The following ZNF775 variants were observed in gnomAD, a reference collection of about 807,000 sequenced individuals.
The protein encoded by ZNF775 is zinc finger protein 775.
A neutral mutation model predicts 2.4 loss-of-function variants in ZNF775; 1 was observed. The ratio of observed to expected loss-of-function variants is 0.41; its 90% CI spans 0.15 to 1.94. The LOEUF is 1.94. Among genes scored for constraint, ZNF775 ranks in the 30% most tolerant of loss-of-function variants. The probability of loss-of-function intolerance (pLI) is 0.30; values close to 1 mark genes in which losing one functional copy is unlikely to be tolerated. For synonymous variants in ZNF775, 381 were observed against 373.3 expected (o/e 1.02, Z -0.24); for missense variants, 823 against 826.6 (o/e 1.00, Z 0.05).
At chr7:150,393,749 A>G (rs1232286371) in intron 2 of ZNF775, among the ~76,000 whole-genome samples, 2 of 150,148 alleles carry the variant, frequency 1.3e-5, no homozygotes, top group Non-Finnish European at 3.0e-5. Context: ...GCTTGCTGCA[A>G]CCTCTGCCTC....
chr7:150,396,485 C>T lies in ZNF775; in HGVS notation c.32-28C>T. Reference sequence around the variant, plus strand: ...CAGCGGAGCAGCAGTGACCTCTCTCCCTCCTCTCTCCCGCTTGCCTCTGGC... The same window carrying T: ...CAGCGGAGCAGCAGTGACCTCTCTCTCTCCTCTCTCCCGCTTGCCTCTGGC... On this transcript the variant is annotated intron_variant, in intron 2 of 2. Coordinates refer to ENST00000329630, the MANE Select transcript of ZNF775 (RefSeq NM_173680.4). The T allele has an allele frequency of 3.9e-6, 6 of 1,552,436 alleles. No individual in the cohort carries two copies. The South Asian group carries it at 7.1e-5, about 18-fold the overall frequency.
chr7:150,398,089 G>A lies in ZNF775; in HGVS notation c.1608G>A (p.Ala536=). The A allele has an allele frequency of 1.3e-6, 2 of 1,549,378 alleles. No homozygotes were observed. Among genetic ancestry groups the A allele is most frequent in the Non-Finnish European group, 1.7e-6 (2 of 1,151,786 alleles). ...AAPACSPKEE[A]R ...CTGCGTGCAGCCCCAAGGAGGAGGC[G>A]CGCTAGTGGACTGGACCTCAGCGGA... Residue 536 remains alanine, a synonymous_variant, in exon 3 of 3, where the codon GCG becomes GCA. Coordinates refer to ENST00000329630, the MANE Select transcript of ZNF775 (RefSeq NM_173680.4).
Position 150,397,070 on chromosome 7 carries a change from G to A in ZNF775, c.589G>A (p.Glu197Lys). The change falls in exon 3 of 3, where the codon GAG (glutamate) becomes AAG (lysine). Residue 197 changes from glutamate (E) to lysine (K), a missense_variant. By Grantham distance (56) the Glu-to-Lys change is moderately conservative. Coordinates refer to ENST00000329630, the MANE Select transcript of ZNF775 (RefSeq NM_173680.4). ...CGCCACCCACTCGTGCCCCGAGTGCGAGCGCTGCTTCCGTCACCAGGTGGG... is the reference window on the plus strand; with the variant it reads ...CGCCACCCACTCGTGCCCCGAGTGCAAGCGCTGCTTCCGTCACCAGGTGGG... ...RPATHSCPEC[E>K]RCFRHQVGLR... 3 of 1,588,056 alleles carry A rather than the reference G, an allele frequency of 1.9e-6. No individual in the cohort carries two copies. Among genetic ancestry groups the A allele is most frequent in the Non-Finnish European group, 2.6e-6 (3 of 1,174,178 alleles).
rs57149756 is a variant in ZNF775 at position 150,382,134 on chromosome 7, G to A, written c.-50+2742G>A. ...TGCAGACAGTGCCACAACCAGAGCCGTGGCAAACCCTCTTCCTCCTGCATG... is the reference window on the plus strand; with the variant it reads ...TGCAGACAGTGCCACAACCAGAGCCATGGCAAACCCTCTTCCTCCTGCATG... On this transcript the variant is annotated intron_variant, in intron 1 of 2. Coordinates refer to ENST00000329630, the MANE Select transcript of ZNF775 (RefSeq NM_173680.4). The surrounding 1 kb of genome is among the most constrained non-coding windows in gnomAD (Gnocchi z 4.6). 0.044 allele frequency among the ~76,000 whole-genome samples: 6,656 copies of A among 152,174 alleles called. 484 individuals carry two copies. Among genetic ancestry groups the A allele is most frequent in the African/African-American group, 0.15 (6,343 of 41,456 alleles).
intron 1 of ZNF775, among the ~76,000 whole-genome samples, chr7:150,385,478 CGAGTGACTGCA>C (rs879543726): frequency 0.017 from 2,476 of 148,468 alleles, 63 homozygotes; most frequent in African/African-American, 0.056. Flanking sequence ...TGCAATACCC[CGAGTGACTGCA>C]AAGACGGGAG....
chr7:150,385,369 A>C (rs1267864881), intron 1 of ZNF775, among the ~76,000 whole-genome samples: 1 of 152,000 alleles, frequency 6.6e-6, no homozygotes, highest in African/African-American at 2.4e-5. Context: ...TGAAACCAGA[A>C]TGTGGTGCGC....
chr7:150,397,911 C>G lies in ZNF775; in HGVS notation c.1430C>G (p.Pro477Arg). The G allele has an allele frequency of 6.2e-7, 1 of 1,601,566 alleles. No individual in the cohort carries two copies. The highest frequency in any genetic ancestry group is 8.5e-7 in the Non-Finnish European group (1 of 1,178,444). Residue 477 changes from proline (P) to arginine (R), a missense_variant, in exon 3 of 3, where the codon CCC (proline) becomes CGC (arginine). Physicochemically the swap from Pro to Arg is moderately radical, Grantham distance 103. Transcript: ENST00000329630. The part of the protein sequence containing the change: ...IHTGERPYPC[P>R]ECGRRFSQKP... ...ACGGGTGAGCGGCCCTACCCGTGCCCCGAGTGCGGCCGCCGCTTCAGCCAG... is the reference window on the plus strand; with the variant it reads ...ACGGGTGAGCGGCCCTACCCGTGCCGCGAGTGCGGCCGCCGCTTCAGCCAG...
At chr7:150,385,123 C>T (rs759897908) in intron 1 of ZNF775, among the ~76,000 whole-genome samples, 19 of 151,948 alleles carry the variant, frequency 1.3e-4, no homozygotes, top group Non-Finnish European at 2.5e-4. Flanking sequence ...AGGAGGGTGG[C>T]GAGGGAGGGA....
At chr7:150,388,052 T>G (rs1280601905) in intron 1 of ZNF775, among the ~76,000 whole-genome samples, 1 of 152,040 alleles carries the variant, frequency 6.6e-6, no homozygotes, top group Non-Finnish European at 1.5e-5. Flanking sequence ...TACTCCAGGC[T>G]CCTGCTTCTC....
intron 1 of ZNF775, among the ~76,000 whole-genome samples, chr7:150,385,649 G>C (rs536656107): frequency 6.6e-6 from 1 of 152,336 alleles, no homozygotes; most frequent in South Asian, 2.1e-4. Context: ...ACAGCAACCA[G>C]CCCTCCAGCA....
intron 2 of ZNF775, 102 bp downstream of exon 2, chr7:150,388,603 AGTAG>A: frequency 7.6e-7 from 1 of 1,312,538 alleles, no homozygotes; most frequent in Non-Finnish European, 1.1e-6. Flanking sequence ...GCCCTCAGCC[AGTAG>A]CTAGTACATC....
chr7:150,393,728 G>A (rs531149403), intron 2 of ZNF775, among the ~76,000 whole-genome samples: 62 of 152,306 alleles, frequency 4.1e-4, no homozygotes, highest in Non-Finnish European at 6.0e-4. Flanking sequence ...GAGAGCAATG[G>A]TGTGATCTCG....
chr7:150,395,883 A>G (rs1469383714), intron 2 of ZNF775, among the ~76,000 whole-genome samples: 1 of 152,118 alleles, frequency 6.6e-6, no homozygotes, highest in Non-Finnish European at 1.5e-5. Context: ...TTGAAGGAAG[A>G]TGAGTTGCCA....
chr7:150,396,952 C>T lies in ZNF775; in HGVS notation c.471C>T (p.His157=). 6.2e-7 allele frequency: 1 copy of T among 1,600,738 alleles called. No homozygotes were observed. Among genetic ancestry groups the T allele is most frequent in the Non-Finnish European group, 8.5e-7 (1 of 1,179,480 alleles). The stretch of plus-strand genomic sequence containing the variant: ...ACCTGGCGCGCCACCAGCGGCACCA[C>T]ACGGGCGAGCGACCCTTCTGCTGCC... ...KPNLARHQRH[H]TGERPFCCPE... Residue 157 remains histidine, a synonymous_variant, in exon 3 of 3, where the codon CAC becomes CAT. Transcript: ENST00000329630.
rs759029217 is a variant in ZNF775 at position 150,396,914 on chromosome 7, A to G, written c.433A>G (p.Ser145Gly). 4 of 1,602,146 alleles carry G rather than the reference A, an allele frequency of 2.5e-6. No individual in the cohort carries two copies. The highest frequency in any genetic ancestry group is 3.4e-6 in the Non-Finnish European group (4 of 1,179,706). ...CTGCGGCAAGTGCGGCAAGAGCTTC[A>G]GCCAGAAGCCGAACCTGGCGCGCCA... is the stretch of plus-strand genomic sequence containing the variant. ...YLCGKCGKSF[S>G]QKPNLARHQR... The change falls in exon 3 of 3, where the codon AGC (serine) becomes GGC (glycine). Residue 145 changes from serine (S) to glycine (G), a missense_variant. Ser to Gly is a moderately conservative substitution (Grantham distance 56). Transcript: ENST00000329630.
Position 150,381,710 on chromosome 7 carries a change from T to C in ZNF775, c.-50+2318T>C, listed in dbSNP as rs74462862. On this transcript the variant is annotated intron_variant, in intron 1 of 2. Transcript: ENST00000329630. The stretch of plus-strand genomic sequence containing the variant: ...GAAGCAAACCCAATCTCAGTCCCTG[T>C]CTGGGGCCTCTCAGCGGCTTTTTCC... Among the ~76,000 whole-genome samples the C allele has an allele frequency of 4.9e-3, 739 of 152,300 alleles. 5 individuals carry two copies. The highest frequency in any genetic ancestry group is 0.016 in the African/African-American group (676 of 41,566).
intron 2 of ZNF775, among the ~76,000 whole-genome samples, chr7:150,391,224 A>T (rs1025405798): frequency 4.6e-5 from 7 of 152,208 alleles, no homozygotes; most frequent in South Asian, 2.1e-4. Context: ...TAACTTAAGT[A>T]CGGCCAGGCG....
In ZNF775 at chr7:150,397,295, C is replaced by A. The variant is rs1163805366; in HGVS notation, c.814C>A (p.Pro272Thr). ...CGGGGCCCGGGCCGCGGTCTCCGGCCCCGAGGGGCCGGGCGAGCCGCGCCA... is the reference window on the plus strand; with the variant it reads ...CGGGGCCCGGGCCGCGGTCTCCGGCACCGAGGGGCCGGGCGAGCCGCGCCA... ...QPGARAAVSG[P>T]EGPGEPRQFI... Residue 272 changes from proline (P) to threonine (T), a missense_variant, in exon 3 of 3, where the codon CCC becomes ACC. Coordinates refer to ENST00000329630, the MANE Select transcript of ZNF775 (RefSeq NM_173680.4). 6.4e-7 allele frequency: 1 copy of A among 1,553,458 alleles called. No homozygotes were observed. The highest frequency in any genetic ancestry group is 1.8e-5 in the Admixed American group (1 of 56,274).
Position 150,397,200 on chromosome 7 carries a change from A to G in ZNF775, c.719A>G (p.Gln240Arg). ...GCGGCGCGCCGGGCCTGTCGCCTGC[A>G]GCCGGGGCCGCCGCGGGGGCGCCCC... ...DAAARRACRL[Q>R]PGPPRGRPEW... Residue 240 changes from glutamine to arginine, a missense_variant, in exon 3 of 3, where the codon CAG becomes CGG. Gln to Arg is a conservative substitution (Grantham distance 43). Transcript: ENST00000329630. The G allele has an allele frequency of 8.9e-7, 1 of 1,123,896 alleles. No individual in the cohort carries two copies. The highest frequency in any genetic ancestry group is 1.1e-6 in the Non-Finnish European group (1 of 920,102). The allele number at this position is 1,123,896 out of a possible 1,614,324, so 69.6% of individuals were successfully genotyped here.
Sources: gnomAD v4.1 joint callset for allele counts (sites outside exome capture counted in the v4.1 genomes callset) on GRCh38, gnomAD v4.1.1 for gene constraint, Gnocchi (gnomAD v3.1) non-coding constraint, MANE v1.5 for transcripts, NCBI Gene and HGNC (gene_info 2026-07-23, HGNC 2026-07-21) for gene names.